Variants in SPAG16 observed in about 807,000 individuals in gnomAD.
The protein encoded by SPAG16 is sperm associated antigen 16, also known as sperm-associated antigen 16 protein.
A neutral mutation model predicts 80.4 loss-of-function variants in SPAG16; 86 were observed. The observed-to-expected ratio is 1.07, with a 90% confidence interval of 0.90 to 1.28. The LOEUF is 1.28. Ranked by LOEUF, SPAG16 falls within the 50% of genes most tolerant of loss-of-function variation. The pLI is 0.00. For missense variants in SPAG16, 870 were observed against 765.3 expected, an observed-to-expected ratio of 1.14 and a Z score of -1.61; for synonymous variants, 294 against 265.9, an observed-to-expected ratio of 1.11 and a Z score of -1.03.
chr2:213,968,658 T>G (rs184114786), intron 12 of SPAG16, among the ~76,000 whole-genome samples: 50 of 152,338 alleles, frequency 3.3e-4, no homozygotes, highest in African/African-American at 1.0e-3. Flanking sequence ...AAGCTGCAAA[T>G]TTGACGTAAA....
chr2:214,267,259 T>C (rs1691643701), intron 15 of SPAG16, among the ~76,000 whole-genome samples: 1 of 151,748 alleles, frequency 6.6e-6, no homozygotes, highest in Admixed American at 6.6e-5. Context: ...TACAAACCTA[T>C]AATAATCCAA....
chr2:214,049,384 C>G (rs1266524641), intron 13 of SPAG16, among the ~76,000 whole-genome samples: 1 of 152,016 alleles, frequency 6.6e-6, no homozygotes, highest in Non-Finnish European at 1.5e-5. Flanking sequence ...TTTTAAAACT[C>G]CTGTCATGCT....
At chr2:214,175,225 A>G (rs1023548122) in intron 15 of SPAG16, among the ~76,000 whole-genome samples, 105 of 91,078 alleles carry the variant, frequency 1.2e-3, no homozygotes, top group African/African-American at 4.3e-3. Context: ...AAATGTGTGT[A>G]TATATATATA....
intron 13 of SPAG16, among the ~76,000 whole-genome samples, chr2:214,088,956 A>T (rs1160655789): frequency 1.3e-5 from 2 of 152,170 alleles, no homozygotes; most frequent in Non-Finnish European, 2.9e-5. Flanking sequence ...AGATGTAAAA[A>T]TAATATAATA....
intron 11 of SPAG16, among the ~76,000 whole-genome samples, chr2:213,868,227 A>AT (rs946769436): frequency 4.5e-5 from 6 of 134,786 alleles, no homozygotes; most frequent in Admixed American, 1.6e-4. Context: ...AACTCATCCT[A>AT]TTTTTTTTTA....
At chr2:213,285,945 T>G in intron 1 of SPAG16, 3 of 1,281,802 alleles carry the variant, frequency 2.3e-6, no homozygotes, top group Non-Finnish European at 3.1e-6. Flanking sequence ...TAATTTTGTT[T>G]GCATTAAAAT....
At chr2:214,406,111 A>G (rs2126155068) in intron 15 of SPAG16, among the ~76,000 whole-genome samples, 1 of 152,330 alleles carries the variant, frequency 6.6e-6, no homozygotes, top group Admixed American at 6.5e-5. Flanking sequence ...ATGATCATAA[A>G]AAAAATTGCA....
intron 15 of SPAG16, among the ~76,000 whole-genome samples, chr2:214,259,380 CAT>C (rs1025375817): frequency 2.7e-5 from 4 of 147,514 alleles, no homozygotes; most frequent in African/African-American, 2.5e-5. Flanking sequence ...ATGTATATAA[CAT>C]AGTGTATATC....
chr2:213,713,916 T>C (rs1482278071), intron 10 of SPAG16, among the ~76,000 whole-genome samples: 1 of 152,194 alleles, frequency 6.6e-6, no homozygotes, highest in African/African-American at 2.4e-5. Flanking sequence ...TCTTCTTACA[T>C]TTTATCCAGT....
intron 9 of SPAG16, among the ~76,000 whole-genome samples, chr2:213,398,065 T>C (rs76360458): frequency 8.5e-5 from 13 of 152,276 alleles, no homozygotes; most frequent in African/African-American, 2.6e-4. Context: ...CGTCTCTCTC[T>C]CTCACATCTC....
intron 13 of SPAG16, among the ~76,000 whole-genome samples, chr2:214,090,099 TACTC>T (rs1396724184): frequency 6.6e-6 from 1 of 151,834 alleles, no homozygotes; most frequent in Non-Finnish European, 1.5e-5. Flanking sequence ...AATAATAAAA[TACTC>T]ATCTATATAC....
intron 9 of SPAG16, among the ~76,000 whole-genome samples, chr2:213,462,927 A>G (rs2072464320): frequency 6.6e-6 from 1 of 152,216 alleles, no homozygotes; most frequent in Admixed American, 6.5e-5. Flanking sequence ...GGTAATAGGC[A>G]AAGGTTGAAA....
At chr2:213,508,864 A>G (rs1027454599) in intron 10 of SPAG16, among the ~76,000 whole-genome samples, 5 of 151,970 alleles carry the variant, frequency 3.3e-5, no homozygotes, top group Admixed American at 6.5e-5. Context: ...ACATGTATAC[A>G]TATGTAACTA....
intron 10 of SPAG16, among the ~76,000 whole-genome samples, chr2:213,597,450 AATTT>A (rs1322746559): frequency 1.3e-5 from 2 of 152,200 alleles, no homozygotes; most frequent in Non-Finnish European, 1.5e-5. Context: ...ATTTCAAAAT[AATTT>A]ATTTAACAGT....
At chr2:213,844,824 C>CT (rs762457916) in intron 10 of SPAG16, among the ~76,000 whole-genome samples, 1 of 152,038 alleles carries the variant, frequency 6.6e-6, no homozygotes, top group Non-Finnish European at 1.5e-5. Context: ...TGTAACATTA[C>CT]TTTTTGAAAT....
chr2:213,702,315 C>G (rs148614644), intron 10 of SPAG16, among the ~76,000 whole-genome samples: 1 of 152,232 alleles, frequency 6.6e-6, no homozygotes, highest in Non-Finnish European at 1.5e-5. Flanking sequence ...TGCGGCAACC[C>G]GCTTGGGTCT....
intron 15 of SPAG16, among the ~76,000 whole-genome samples, chr2:214,314,724 G>A (rs1695559119): frequency 6.7e-6 from 1 of 148,294 alleles, no homozygotes; most frequent in African/African-American, 2.5e-5. Context: ...GATGCACATG[G>A]TGTAATAAGT....
intron 10 of SPAG16, among the ~76,000 whole-genome samples, chr2:213,556,312 C>CAAAAAAAAAAAAAAA (rs35010847): frequency 1.8e-5 from 2 of 112,838 alleles, no homozygotes; most frequent in East Asian, 2.6e-4. Context: ...AAAAAAAAAC[C>CAAAAAAAAAAAAAAA]AAAAAAAAAA....
intron 10 of SPAG16, among the ~76,000 whole-genome samples, chr2:213,657,002 T>C (rs945255068): frequency 6.6e-6 from 1 of 152,218 alleles, no homozygotes; most frequent in African/African-American, 2.4e-5. Flanking sequence ...GTTAATAGAA[T>C]GTAAATATTC....
Sources: gnomAD v4.1 joint callset for allele counts (sites outside exome capture counted in the v4.1 genomes callset) on GRCh38, gnomAD v4.1.1 for gene constraint, MANE v1.5 for transcripts, NCBI Gene and HGNC (gene_info 2026-07-23, HGNC 2026-07-21) for gene names.